Variants in AGTPBP1 observed in about 807,000 individuals in gnomAD.
AGTPBP1 encodes cytosolic carboxypeptidase 1.
Under a neutral mutation model 143.9 loss-of-function variants are expected in AGTPBP1, and 70 were observed. The observed-to-expected ratio is 0.49, with a 90% CI of 0.40 to 0.59. AGTPBP1 has a LOEUF of 0.59. Among genes scored for constraint, AGTPBP1 ranks in the 20% least tolerant of loss-of-function variants. The probability of loss-of-function intolerance (pLI) is 0.00; values close to 1 mark genes in which losing one functional copy is unlikely to be tolerated. For missense variants in AGTPBP1, 1,229 were observed against 1,464.5 expected, an observed-to-expected ratio of 0.84 and a Z score of 2.62; for synonymous variants, 463 against 500.2, an observed-to-expected ratio of 0.93 and a Z score of 0.99.
Position 85,642,812 on chromosome 9 carries a change from TTTC to T in AGTPBP1, c.1302+12_1302+14del, listed in dbSNP as rs1564096658. 1.7e-5 allele frequency: 27 copies of T among 1,571,286 alleles called. No homozygotes were observed. The East Asian group carries it at 6.1e-4, about 35-fold the overall frequency. On this transcript the variant is annotated intron_variant, in intron 13 of 25. Transcript: ENST00000357081. ...ATTAAAATCAGTTAAGATGCTGAATTTTCTATATTTATACCTGAAAATCATCAA... is the reference window on the plus strand; with the variant it reads ...ATTAAAATCAGTTAAGATGCTGAATTTATATTTATACCTGAAAATCATCAA...
At chr9:85,600,299 C>G (rs1393582501) in intron 17 of AGTPBP1, among the ~76,000 whole-genome samples, 1 of 152,120 alleles carries the variant, frequency 6.6e-6, no homozygotes, top group East Asian at 1.9e-4. Flanking sequence ...TTGACCCCTC[C>G]ACTCACATAA....
intron 2 of AGTPBP1, among the ~76,000 whole-genome samples, chr9:85,701,412 T>A (rs538999036): frequency 6.6e-6 from 1 of 151,552 alleles, no homozygotes; most frequent in Admixed American, 6.6e-5. Context: ...GTATTTCTAG[T>A]AGAGACAGGG....
chr9:85,780,952 T>C, the AGTPBP1 span, among the ~76,000 whole-genome samples: 1 of 152,006 alleles, frequency 6.6e-6, no homozygotes, highest in African/African-American at 2.4e-5. Context: ...TCGTCTCTAC[T>C]AAAAATACAA....
At chr9:85,630,466 G>T (rs1416551901) in intron 14 of AGTPBP1, among the ~76,000 whole-genome samples, 10 of 43,356 alleles carry the variant, frequency 2.3e-4, no homozygotes, top group Non-Finnish European at 3.5e-4. Flanking sequence ...TGGCACGATT[G>T]ATTGATTGAT....
At chr9:85,568,558 C>T (rs150800843) in intron 25 of AGTPBP1, among the ~76,000 whole-genome samples, 1 of 152,254 alleles carries the variant, frequency 6.6e-6, no homozygotes, top group East Asian at 1.9e-4. Context: ...ACACCTGGGA[C>T]ACCGATAATG....
At chr9:85,713,072 T>C (rs1457511266) in intron 1 of AGTPBP1, among the ~76,000 whole-genome samples, 1 of 152,242 alleles carries the variant, frequency 6.6e-6, no homozygotes, top group Non-Finnish European at 1.5e-5. Context: ...ACATTATATA[T>C]GTTTAAACAA....
chr9:85,606,347 T>C (rs1393904060), intron 17 of AGTPBP1, among the ~76,000 whole-genome samples: 1 of 147,602 alleles, frequency 6.8e-6, no homozygotes, highest in Non-Finnish European at 1.5e-5. Context: ...CAAACTACAA[T>C]GAGATACCAT....
chr9:85,631,676 G>A (rs1332347467), intron 14 of AGTPBP1, among the ~76,000 whole-genome samples: 1 of 152,130 alleles, frequency 6.6e-6, no homozygotes, highest in African/African-American at 2.4e-5. Flanking sequence ...ATAAGATGCA[G>A]TTATTTTCTC....
chr9:85,575,203 A>G (rs1167678042), intron 25 of AGTPBP1, 112 bp downstream of exon 25: 3 of 682,568 alleles, frequency 4.4e-6, no homozygotes, highest in African/African-American at 1.9e-5. Context: ...ACTTAATTAT[A>G]TTAATTCTAA....
intron 17 of AGTPBP1, among the ~76,000 whole-genome samples, chr9:85,598,964 C>T (rs1230455273): frequency 2.0e-5 from 3 of 152,128 alleles, no homozygotes; most frequent in South Asian, 2.1e-4. Context: ...TCAGGTCATC[C>T]GCCCGCCTCG....
chr9:85,801,017 A>G, the AGTPBP1 span, among the ~76,000 whole-genome samples: 1 of 151,988 alleles, frequency 6.6e-6, no homozygotes, highest in Non-Finnish European at 1.5e-5. Context: ...TTAATTTTTA[A>G]TTTTAATTTT....
intron 14 of AGTPBP1, among the ~76,000 whole-genome samples, chr9:85,627,915 C>A (rs1046623066): frequency 6.6e-6 from 1 of 152,128 alleles, no homozygotes; most frequent in Non-Finnish European, 1.5e-5. Context: ...AGGCTTCCGG[C>A]CAACAGTAAG....
intron 17 of AGTPBP1, among the ~76,000 whole-genome samples, chr9:85,597,266 T>G (rs1024136704): frequency 2.6e-5 from 4 of 152,034 alleles, no homozygotes; most frequent in African/African-American, 9.7e-5. Context: ...TATCTTAATA[T>G]TCACATTATC....
chr9:85,795,727 C>T, the AGTPBP1 span, among the ~76,000 whole-genome samples: 1 of 152,140 alleles, frequency 6.6e-6, no homozygotes, highest in Non-Finnish European at 1.5e-5. Flanking sequence ...ATTCTGGTTC[C>T]TGCACTAATT....
chr9:85,716,947 T>C (rs1188242383), intron 1 of AGTPBP1, among the ~76,000 whole-genome samples: 1 of 152,186 alleles, frequency 6.6e-6, no homozygotes, highest in Admixed American at 6.5e-5. Context: ...GCCTCCATGT[T>C]TTCCTCCAAC....
chr9:85,598,774 C>A (rs1339769557), intron 17 of AGTPBP1, among the ~76,000 whole-genome samples: 1 of 152,154 alleles, frequency 6.6e-6, no homozygotes, highest in Non-Finnish European at 1.5e-5. Context: ...GGCTGAAGTG[C>A]AATGGTGCGA....
chr9:85,789,344 A>G, the AGTPBP1 span, among the ~76,000 whole-genome samples: 3 of 152,196 alleles, frequency 2.0e-5, no homozygotes, highest in Non-Finnish European at 4.4e-5. Flanking sequence ...TACATATACT[A>G]AATGATTTTA....
At chr9:85,712,047 T>C (rs1311900143) in intron 2 of AGTPBP1, among the ~76,000 whole-genome samples, 1 of 152,090 alleles carries the variant, frequency 6.6e-6, no homozygotes, top group Non-Finnish European at 1.5e-5. Flanking sequence ...GTGGATCACC[T>C]GAGGTCAGGA....
At chr9:85,724,145 G>A (rs1838312376) in intron 1 of AGTPBP1, among the ~76,000 whole-genome samples, 2 of 151,818 alleles carry the variant, frequency 1.3e-5, no homozygotes, top group Admixed American at 6.6e-5. Flanking sequence ...AAATTAGCCG[G>A]GTGTGGTGGT....
Sources: gnomAD v4.1 joint callset for allele counts (sites outside exome capture counted in the v4.1 genomes callset) on GRCh38, gnomAD v4.1.1 for gene constraint, MANE v1.5 for transcripts, NCBI Gene and HGNC (gene_info 2026-07-23, HGNC 2026-07-21) for gene names.